The following ATAD2B variants were observed in gnomAD, a reference collection of about 807,000 sequenced individuals.
ATAD2B encodes ATPase family AAA domain-containing protein 2B.
Under a neutral mutation model 167.6 loss-of-function variants are expected in ATAD2B, and 40 were observed. The ratio of observed to expected loss-of-function variants is 0.24; its 90% CI spans 0.19 to 0.31. The LOEUF (loss-of-function observed/expected upper bound fraction) is 0.31. Among genes scored for constraint, ATAD2B ranks in the 10% least tolerant of loss-of-function variants. The pLI, the probability that ATAD2B is intolerant of heterozygous loss-of-function variation, is 1.00. For missense variants in ATAD2B, 1,242 were observed against 1,757.2 expected (o/e 0.71, Z 5.24); for synonymous variants, 579 against 596.5 (o/e 0.97, Z 0.43).
At chr2:23,691,327 G>A in the ATAD2B span, 1 of 318,492 alleles carries the variant, frequency 3.1e-6, no homozygotes. Flanking sequence ...GGCCTGCTTT[G>A]GTGGAGACAC....
the ATAD2B span, among the ~76,000 whole-genome samples, chr2:23,694,803 A>G: frequency 1.3e-5 from 2 of 152,092 alleles, no homozygotes; most frequent in Non-Finnish European, 2.9e-5. Context: ...TCCAGATGCC[A>G]TTCCCTCTGC....
chr2:23,889,593 C>A (rs1699177950), intron 2 of ATAD2B, among the ~76,000 whole-genome samples: 1 of 152,026 alleles, frequency 6.6e-6, no homozygotes, highest in African/African-American at 2.4e-5. Context: ...CCTGGCCCAG[C>A]AAAGGTCACA....
intron 22 of ATAD2B, among the ~76,000 whole-genome samples, chr2:23,776,977 G>A (rs1679242140): frequency 1.3e-5 from 2 of 152,128 alleles, no homozygotes; most frequent in South Asian, 2.1e-4. Flanking sequence ...TGTATTTGGA[G>A]ACAAGGCCTT....
chr2:23,757,823 C>A lies in ATAD2B; in HGVS notation c.3673G>T (p.Ala1225Ser), dbSNP rs1186625669. The change falls in exon 25 of 28, where the codon GCA becomes TCA. Residue 1225 changes from alanine (A) to serine (S), a missense_variant. Around this residue, in one of 9 missense-constraint regions of ATAD2B, gnomAD observed 282 missense variants for 346.8 expected, o/e 0.81. Coordinates refer to ENST00000238789, the MANE Select transcript of ATAD2B (RefSeq NM_017552.4). ...GATGCAAAGTTCTCTTTTGTGCCTGCTCCATTGTTAAGCCTCTGCCCCTGG... is the reference window on the plus strand; with the variant it reads ...GATGCAAAGTTCTCTTTTGTGCCTGATCCATTGTTAAGCCTCTGCCCCTGG... ...LDQGQRLNNG[A>S]GTKENFASTE... 4 of 1,572,070 alleles carry A rather than the reference C, an allele frequency of 2.5e-6. No individual in the cohort carries two copies. Among genetic ancestry groups the A allele is most frequent in the Non-Finnish European group, 2.6e-6 (3 of 1,164,710 alleles).
the ATAD2B span, among the ~76,000 whole-genome samples, chr2:23,738,484 C>A: frequency 7.3e-3 from 1,106 of 152,280 alleles, 12 homozygotes; most frequent in African/African-American, 0.026. Context: ...AAACACTTTA[C>A]AGACAAGCAA....
the ATAD2B span, among the ~76,000 whole-genome samples, chr2:23,735,355 ATT>A: frequency 6.6e-6 from 1 of 152,250 alleles, no homozygotes; most frequent in Non-Finnish European, 1.5e-5. Context: ...TATTAAAAGC[ATT>A]GTTGTGATGC....
chr2:23,685,237 G>C, the ATAD2B span: 2 of 51,138 alleles, frequency 3.9e-5, no homozygotes, highest in East Asian at 1.5e-3. Context: ...TGGTGCATGA[G>C]CATCTTTTTT....
At chr2:23,890,486 T>C (rs1442830050) in intron 2 of ATAD2B, among the ~76,000 whole-genome samples, 1 of 152,228 alleles carries the variant, frequency 6.6e-6, no homozygotes, top group South Asian at 2.1e-4. Context: ...TCTTACAACG[T>C]TGTCATTACA....
downstream of ATAD2B, among the ~76,000 whole-genome samples, chr2:23,747,482 G>A (rs1007909944): frequency 6.6e-6 from 1 of 152,048 alleles, no homozygotes; most frequent in Non-Finnish European, 1.5e-5. Context: ...AGTGGGGATC[G>A]ACTCTAGAAA....
intron 2 of ATAD2B, among the ~76,000 whole-genome samples, chr2:23,890,201 C>T (rs1012313493): frequency 1.3e-5 from 2 of 151,896 alleles, no homozygotes; most frequent in Non-Finnish European, 2.9e-5. Flanking sequence ...GGTGACAGAG[C>T]GAGACTCCGT....
chr2:23,801,600 T>C (rs1309205928), intron 18 of ATAD2B, among the ~76,000 whole-genome samples: 2 of 151,958 alleles, frequency 1.3e-5, no homozygotes, highest in Non-Finnish European at 2.9e-5. Context: ...AATGAACAAA[T>C]ACCAGCATAT....
intron 14 of ATAD2B, among the ~76,000 whole-genome samples, chr2:23,830,076 T>G (rs923883939): frequency 6.6e-6 from 1 of 152,230 alleles, no homozygotes; most frequent in Middle Eastern, 3.4e-3. Context: ...CTCAGCCTCC[T>G]AGGTTTAAGT....
At chr2:23,680,334 G>A in the ATAD2B span, among the ~76,000 whole-genome samples, 575 of 152,252 alleles carry the variant, frequency 3.8e-3, 9 homozygotes, top group East Asian at 0.051. This position sits in a 1 kb window ranked among gnomAD's most constrained non-coding sequence, Gnocchi z 4.1. Flanking sequence ...CATGCTGGGC[G>A]CTGAGTCGAG....
intron 13 of ATAD2B, among the ~76,000 whole-genome samples, chr2:23,851,885 C>A (rs1692626341): frequency 3.4e-5 from 5 of 146,332 alleles, no homozygotes; most frequent in Admixed American, 6.8e-5. Flanking sequence ...GAGAAAGGAC[C>A]AATAAAATTG....
At chr2:23,760,668 A>G (rs1435643283) in intron 24 of ATAD2B, among the ~76,000 whole-genome samples, 1 of 148,660 alleles carries the variant, frequency 6.7e-6, no homozygotes, top group Non-Finnish European at 1.5e-5. Flanking sequence ...TGTCTCAAGA[A>G]AAAAAAAAAA....
intron 18 of ATAD2B, among the ~76,000 whole-genome samples, chr2:23,802,959 A>C (rs1572818944): frequency 6.6e-6 from 1 of 152,260 alleles, no homozygotes; most frequent in East Asian, 1.9e-4. Context: ...ATAAACTCCA[A>C]AGCTTTTCAG....
the ATAD2B span, among the ~76,000 whole-genome samples, chr2:23,692,997 G>T: frequency 6.6e-6 from 1 of 152,154 alleles, no homozygotes; most frequent in African/African-American, 2.4e-5. Flanking sequence ...GGGCTCTCCT[G>T]CTCCATGCCT....
rs1468399525 is a variant in ATAD2B, at chr2:23,891,067, C to T, written c.369-2668G>A. ...GTGGAGTCTTGCTCAGCCACCCAGG[C>T]TGGAGTGCAGTGGTGCGATCTTGGC... On this transcript the variant is annotated intron_variant, in intron 2 of 27. Transcript: ENST00000238789. Among the ~76,000 whole-genome samples, 3 of 147,400 alleles carry T rather than the reference C, an allele frequency of 2.0e-5. No homozygotes were observed. In the East Asian group the frequency reaches 6.0e-4, roughly 29 times the overall value.
chr2:23,847,376 A>G (rs965406004), intron 13 of ATAD2B, among the ~76,000 whole-genome samples: 1 of 152,054 alleles, frequency 6.6e-6, no homozygotes, highest in African/African-American at 2.4e-5. Context: ...TGGTTGGTAC[A>G]CACCTGTAGC....
Sources: gnomAD v4.1 joint callset for allele counts (sites outside exome capture counted in the v4.1 genomes callset) on GRCh38, gnomAD v4.1.1 for gene constraint, gnomAD v4.1.1 regional missense constraint, Gnocchi (gnomAD v3.1) non-coding constraint, MANE v1.5 for transcripts, NCBI Gene and HGNC (gene_info 2026-07-23, HGNC 2026-07-21) for gene names.